DTNBP1: variants seen among roughly 807,000 people sequenced by gnomAD.
DTNBP1 encodes dysbindin.
DTNBP1 carries 35 observed loss-of-function variants against 42.8 expected under a neutral mutation model. The observed-to-expected ratio is 0.82, with a 90% confidence interval of 0.63 to 1.09. The LOEUF is 1.09. Among genes scored for constraint, DTNBP1 ranks in the 50% least tolerant of loss-of-function variants. DTNBP1 has a pLI of 0.00. For missense variants in DTNBP1, 457 were observed against 424.2 expected, an observed-to-expected ratio of 1.08 and a Z score of -0.68; for synonymous variants, 171 against 162.2, an observed-to-expected ratio of 1.05 and a Z score of -0.41.
chr6:15,545,509 T>A (rs992859894), intron 7 of DTNBP1, among the ~76,000 whole-genome samples: 2 of 152,066 alleles, frequency 1.3e-5, no homozygotes, highest in Non-Finnish European at 2.9e-5. Context: ...ACACACCCTT[T>A]ACACACATTA....
intron 7 of DTNBP1, among the ~76,000 whole-genome samples, chr6:15,590,649 A>C (rs1776258261): frequency 6.6e-6 from 1 of 152,258 alleles, no homozygotes; most frequent in African/African-American, 2.4e-5. Context: ...TGATGTCACT[A>C]AAAATTTTAA....
At chr6:15,596,591 C>A (rs1041103248) in intron 6 of DTNBP1, among the ~76,000 whole-genome samples, 1 of 152,176 alleles carries the variant, frequency 6.6e-6, no homozygotes, top group African/African-American at 2.4e-5. Flanking sequence ...TCCATCCCTT[C>A]CAGACCACCA....
chr6:15,563,159 A>AGAT (rs1400981259), intron 7 of DTNBP1, among the ~76,000 whole-genome samples: 2 of 151,920 alleles, frequency 1.3e-5, no homozygotes, highest in Non-Finnish European at 2.9e-5. Context: ...CTTACCTCCT[A>AGAT]CTCAGCTTTC....
chr6:15,641,511 T>G (rs1449016909), intron 3 of DTNBP1, among the ~76,000 whole-genome samples: 1 of 152,130 alleles, frequency 6.6e-6, no homozygotes, highest in Non-Finnish European at 1.5e-5. Flanking sequence ...ACCATCAAAC[T>G]GTTGGAGAGT....
In DTNBP1 at chr6:15,662,351, G is replaced by GT. The variant is rs776916254; in HGVS notation, c.56+462_56+463insA. Among the ~76,000 whole-genome samples the GT allele has an allele frequency of 3.7e-3, 557 of 152,336 alleles. 2 individuals are homozygous for GT. Among genetic ancestry groups the GT allele is most frequent in the Non-Finnish European group, 6.8e-3 (462 of 68,022 alleles). ...CGGAAGGCTGTGGCCGGAGGGTGCA[G>GT]GCTGCTGCGCGGTGCGATCCGACTC... On this transcript the variant is annotated intron_variant, in intron 1 of 9. Coordinates refer to ENST00000344537, the MANE Select transcript of DTNBP1 (RefSeq NM_032122.5).
chr6:15,622,895 A>T (rs1759123468), intron 5 of DTNBP1, among the ~76,000 whole-genome samples: 1 of 152,224 alleles, frequency 6.6e-6, no homozygotes, highest in African/African-American at 2.4e-5. Flanking sequence ...CACTAAAATT[A>T]TTTCCCACTT....
intron 6 of DTNBP1, 145 bp downstream of exon 6, chr6:15,615,122 A>G: frequency 7.7e-7 from 1 of 1,295,412 alleles, no homozygotes; most frequent in Non-Finnish European, 1.1e-6. Context: ...AGTGGTTTTT[A>G]AAAAAAGTTT....
chr6:15,600,583 G>A (rs1776690125), intron 6 of DTNBP1, among the ~76,000 whole-genome samples: 1 of 152,126 alleles, frequency 6.6e-6, no homozygotes, highest in Non-Finnish European at 1.5e-5. Context: ...ACTACAGACA[G>A]CAAGACTAAT....
intron 8 of DTNBP1, among the ~76,000 whole-genome samples, chr6:15,526,764 G>A (rs147140994): frequency 1.6e-4 from 24 of 152,262 alleles, no homozygotes; most frequent in African/African-American, 4.6e-4. Flanking sequence ...CTTTTAGATC[G>A]TGGCTTCTGA....
chr6:15,523,841 A>C, intron 9 of DTNBP1: 1 of 1,287,188 alleles, frequency 7.8e-7, no homozygotes, highest in East Asian at 5.6e-5. Flanking sequence ...TGCCAGGAGA[A>C]GCGGGTGAGA....
Position 15,523,188 on chromosome 6 carries a change from A to C in DTNBP1, c.843T>G (p.Ile281Met). 6.2e-7 allele frequency: 1 copy of C among 1,614,242 alleles called. No homozygotes were observed. Among genetic ancestry groups the C allele is most frequent in the South Asian group, 1.1e-5 (1 of 91,086 alleles). ...CTGAGGGATTTGGAACCTGGAGGGT[A>C]ATCTCATTCTGACAGGTACTGGATT... ...GPESSTCQNE[I>M]TLQVPNPSEL... The change falls in exon 10 of 10, where the codon ATT (isoleucine) becomes ATG (methionine). Residue 281 changes from isoleucine (I) to methionine (M), a missense_variant. Physicochemically the swap from Ile to Met is conservative, Grantham distance 10 (BLOSUM62 1). Coordinates refer to ENST00000344537, the MANE Select transcript of DTNBP1 (RefSeq NM_032122.5).
At chr6:15,631,041 T>C (rs956240286) in intron 4 of DTNBP1, among the ~76,000 whole-genome samples, 1 of 152,216 alleles carries the variant, frequency 6.6e-6, no homozygotes, top group Non-Finnish European at 1.5e-5. Flanking sequence ...TAGATGAGTA[T>C]AAAATAATTT....
chr6:15,552,411 A>G (rs1054642907), intron 7 of DTNBP1, among the ~76,000 whole-genome samples: 1 of 152,234 alleles, frequency 6.6e-6, no homozygotes, highest in African/African-American at 2.4e-5. Context: ...AATAGCACAC[A>G]ACCTATAAGC....
At chr6:15,541,372 CT>C (rs1469466336) in intron 7 of DTNBP1, among the ~76,000 whole-genome samples, 2 of 152,128 alleles carry the variant, frequency 1.3e-5, no homozygotes, top group African/African-American at 4.8e-5. Flanking sequence ...TTAACAGCAT[CT>C]GAATTTTAGA....
chr6:15,590,189 C>G (rs986516204), intron 7 of DTNBP1, among the ~76,000 whole-genome samples: 1 of 152,208 alleles, frequency 6.6e-6, no homozygotes, highest in Admixed American at 6.5e-5. Context: ...TTGCCTCAGC[C>G]TTCCAAAGTG....
At chr6:15,626,261 G>T (rs1400204022) in intron 5 of DTNBP1, among the ~76,000 whole-genome samples, 1 of 152,156 alleles carries the variant, frequency 6.6e-6, no homozygotes, top group Non-Finnish European at 1.5e-5. Flanking sequence ...GTTCTTGTGA[G>T]AATTACAGAT....
chr6:15,599,661 T>C (rs1365103059), intron 6 of DTNBP1, among the ~76,000 whole-genome samples: 2 of 152,178 alleles, frequency 1.3e-5, no homozygotes, highest in Non-Finnish European at 2.9e-5. Context: ...CGTTGATGTA[T>C]GCATGAGGTA....
chr6:15,642,020 A>G (rs1760390354), intron 3 of DTNBP1, among the ~76,000 whole-genome samples: 1 of 152,124 alleles, frequency 6.6e-6, no homozygotes, highest in Non-Finnish European at 1.5e-5. Flanking sequence ...GGGCCAGCAC[A>G]TGCACTCGGA....
intron 7 of DTNBP1, among the ~76,000 whole-genome samples, chr6:15,581,509 C>G (rs1235378330): frequency 8.5e-6 from 1 of 117,860 alleles, no homozygotes; most frequent in Non-Finnish European, 1.6e-5. Context: ...GAGATGGAGT[C>G]TCGCTCTGTC....
Sources: allele counts gnomAD v4.1 joint callset (sites outside exome capture counted in the v4.1 genomes callset), GRCh38; gene constraint gnomAD v4.1.1; transcripts MANE v1.5; gene names NCBI Gene and HGNC (gene_info 2026-07-23, HGNC 2026-07-21).